The following LCT variants were observed in gnomAD, a reference collection of about 807,000 sequenced individuals.
LCT encodes lactase, also known as lactase/phlorizin hydrolase.
A neutral mutation model predicts 173.0 loss-of-function variants in LCT; 90 were observed. The ratio of observed to expected loss-of-function variants is 0.52; its 90% CI spans 0.44 to 0.62. The LOEUF (loss-of-function observed/expected upper bound fraction) is 0.62. Among genes scored for constraint, LCT ranks in the 20% least tolerant of loss-of-function variants. The pLI is 0.00. For missense variants in LCT, 1,864 were observed against 2,431.4 expected, an observed-to-expected ratio of 0.77 and a Z score of 4.91; for synonymous variants, 853 against 957.6, an observed-to-expected ratio of 0.89 and a Z score of 2.02.
chr2:135,825,970 T>G (rs2077885909), intron 3 of LCT, among the ~76,000 whole-genome samples: 2 of 152,162 alleles, frequency 1.3e-5, no homozygotes, highest in Non-Finnish European at 2.9e-5. Flanking sequence ...TCAGCTGTTC[T>G]CCCTGTCCTG....
At chr2:135,797,968 G>A (rs756760461) in intron 13 of LCT, 61 bp downstream of exon 13, 31 of 921,030 alleles carry the variant, frequency 3.4e-5, no homozygotes, top group Non-Finnish European at 5.3e-5. Context: ...TAACTTGCCC[G>A]AGACATGCCT....
intron 10 of LCT, 52 bp from the exon 11 acceptor site, chr2:135,804,180 C>A: frequency 6.9e-7 from 1 of 1,457,486 alleles, no homozygotes. Flanking sequence ...CCATGGGAAG[C>A]CCTAGGTTAG....
rs1329312675 is a variant in LCT at position 135,800,884 on chromosome 2, A to T, written c.4664-75T>A. The T allele has an allele frequency of 2.6e-6, 3 of 1,168,194 alleles. No homozygotes were observed. In the Admixed American group the frequency reaches 5.4e-5, roughly 21 times the overall value. The allele number at this position is 1,168,194 out of a possible 1,614,324, so 72.4% of individuals were successfully genotyped here. On this transcript the variant is annotated intron_variant, in intron 11 of 16. Transcript: ENST00000264162. ...ACTGAGATTGTTAGTCCCTGCCTGC[A>T]GATGTCCCCTCTGTGTTTGGGAGAA...
chr2:135,793,817 C>T (rs1403126400), intron 14 of LCT, among the ~76,000 whole-genome samples: 3 of 151,948 alleles, frequency 2.0e-5, no homozygotes, highest in African/African-American at 7.3e-5. Context: ...ACCTGTAATC[C>T]CAGCACTTTG....
intron 2 of LCT, among the ~76,000 whole-genome samples, chr2:135,832,399 G>A (rs1044542589): frequency 6.6e-6 from 1 of 151,282 alleles, no homozygotes; most frequent in East Asian, 1.9e-4. Flanking sequence ...TGGCCTGGGT[G>A]ACAGAGCAAG....
At position 135,823,824 on chromosome 2, in the gene LCT, C is replaced by T. The variant is rs936663759; in HGVS notation, c.907+77G>A. On this transcript the variant is annotated intron_variant, in intron 4 of 16. Transcript: ENST00000264162. ...CATGCTCCTCCTCCCATTGGAACCC[C>T]GGACTTTCAAGACTGCTACCTAGCA... 7.5e-5 allele frequency: 74 copies of T among 990,106 alleles called. 3 individuals are homozygous for T. The highest frequency in any genetic ancestry group is 4.5e-4 in the South Asian group (34 of 75,856). The allele number at this position is 990,106 out of a possible 1,614,324, so 61.3% of individuals were successfully genotyped here.
Position 135,800,663 on chromosome 2 carries a change from C to T in LCT, c.4810G>A (p.Glu1604Lys). Residue 1604 changes from glutamate to lysine, a missense_variant, in exon 12 of 17, where the codon GAA becomes AAA. This residue lies in a region of LCT where 514 missense variants were observed against 750.1 expected (regional missense o/e 0.69). Coordinates refer to ENST00000264162, the MANE Select transcript of LCT (RefSeq NM_002299.4). ...TCCTGGTTAGAGGGATCTCTGGGTT[C>T]AGCCCAGTCACTGCTGATGGTGATG... ...ISITISSDWA[E>K]PRDPSNQEDV... The T allele has an allele frequency of 6.2e-7, 1 of 1,613,312 alleles. No homozygotes were observed. Among genetic ancestry groups the T allele is most frequent in the Non-Finnish European group, 8.5e-7 (1 of 1,180,024 alleles).
intron 6 of LCT, among the ~76,000 whole-genome samples, chr2:135,815,985 G>C (rs1268202006): frequency 2.0e-5 from 3 of 152,188 alleles, no homozygotes; most frequent in Admixed American, 6.5e-5. Context: ...ACAGGCGTGA[G>C]CCACCATGCC....
At chr2:135,836,011 TATATGTATACATA>T (rs1411870225) in intron 1 of LCT, among the ~76,000 whole-genome samples, 1 of 15,660 alleles carries the variant, frequency 6.4e-5, no homozygotes, top group East Asian at 1.9e-3. Flanking sequence ...TATATATATA[TATATGTATACATA>T]TTTTTTTTTT....
At chr2:135,795,105 A>C (rs181252985) in intron 13 of LCT, among the ~76,000 whole-genome samples, 2 of 152,342 alleles carry the variant, frequency 1.3e-5, no homozygotes, top group African/African-American at 4.8e-5. Context: ...CAAACAACAT[A>C]TGCAAATTCT....
At chr2:135,816,183 C>T (rs968043538) in intron 6 of LCT, among the ~76,000 whole-genome samples, 1 of 152,208 alleles carries the variant, frequency 6.6e-6, no homozygotes, top group Non-Finnish European at 1.5e-5. Flanking sequence ...TATACATCCC[C>T]TTCTTGTTGA....
At chr2:135,803,593 T>A (rs1436227501) in intron 11 of LCT, among the ~76,000 whole-genome samples, 1 of 152,146 alleles carries the variant, frequency 6.6e-6, no homozygotes. Flanking sequence ...AACTTTGGGG[T>A]TTGGGAATTG....
intron 3 of LCT, 46 bp from the exon 4 acceptor site, chr2:135,824,049 G>T (rs1289013704): frequency 1.6e-6 from 2 of 1,268,736 alleles, no homozygotes; most frequent in Non-Finnish European, 2.3e-6. Flanking sequence ...CTCCTGGAAA[G>T]CATCTTGATA....
At chr2:135,826,227 C>T (rs1487030508) in intron 3 of LCT, among the ~76,000 whole-genome samples, 4 of 152,100 alleles carry the variant, frequency 2.6e-5, no homozygotes, top group Non-Finnish European at 4.4e-5. Flanking sequence ...ACTGAAGTTT[C>T]AGTGCTTTAC....
chr2:135,832,830 C>T (rs1399115730), intron 2 of LCT, among the ~76,000 whole-genome samples: 2 of 151,970 alleles, frequency 1.3e-5, no homozygotes, highest in African/African-American at 4.8e-5. Flanking sequence ...CCTGTTTTGC[C>T]ATAATCTCAT....
chr2:135,795,472 G>C (rs1374458150), intron 13 of LCT, among the ~76,000 whole-genome samples: 9 of 151,970 alleles, frequency 5.9e-5, no homozygotes, highest in Non-Finnish European at 1.0e-4. Context: ...GCCTCCTAAA[G>C]TGTTGGGATT....
At chr2:135,793,680 A>G (rs948172208) in intron 14 of LCT, among the ~76,000 whole-genome samples, 1 of 152,236 alleles carries the variant, frequency 6.6e-6, no homozygotes, top group Non-Finnish European at 1.5e-5. Flanking sequence ...CTACTCAAGG[A>G]GGTACTAGAG....
At chr2:135,789,871 C>T (rs1363102226) in intron 15 of LCT, 73 bp from the exon 16 acceptor site, 11 of 1,215,504 alleles carry the variant, frequency 9.0e-6, no homozygotes, top group Non-Finnish European at 1.2e-5. Flanking sequence ...CTTCGGAAGC[C>T]AGGTCTGCCT....
At position 135,794,634 on chromosome 2, in the gene LCT, G is replaced by A. The variant is rs1433105399; in HGVS notation, c.5111+7C>T. 6.2e-7 allele frequency: 1 copy of A among 1,613,910 alleles called. No individual in the cohort carries two copies. Among genetic ancestry groups the A allele is most frequent in the East Asian group, 2.2e-5 (1 of 44,882 alleles). On this transcript the variant is annotated splice_region_variant and intron_variant, in intron 14 of 16. Transcript: ENST00000264162. ...GATGGCTCCGGGCTCCCTGTTGGTGGACTTACCTGTCTGCATCAAAAGAAG... is the reference window on the plus strand; with the variant it reads ...GATGGCTCCGGGCTCCCTGTTGGTGAACTTACCTGTCTGCATCAAAAGAAG...
Sources: gnomAD v4.1 joint callset for allele counts (sites outside exome capture counted in the v4.1 genomes callset) on GRCh38, gnomAD v4.1.1 for gene constraint, gnomAD v4.1.1 regional missense constraint, MANE v1.5 for transcripts, NCBI Gene and HGNC (gene_info 2026-07-23, HGNC 2026-07-21) for gene names.